The following PTPN23 variants were observed in gnomAD, a reference collection of about 807,000 sequenced individuals.
PTPN23 encodes the protein protein tyrosine phosphatase non-receptor type 23, also known as tyrosine-protein phosphatase non-receptor type 23.
Under a neutral mutation model 156.3 loss-of-function variants are expected in PTPN23, and 72 were observed. That is an observed-to-expected ratio of 0.46 (90% CI 0.38 to 0.56). PTPN23 has a LOEUF of 0.56. Ranked by LOEUF, PTPN23 falls within the 20% of genes least tolerant of loss-of-function variation. The pLI, the probability that PTPN23 is intolerant of heterozygous loss-of-function variation, is 0.00. For missense variants in PTPN23, 1,974 were observed against 2,171.5 expected (o/e 0.91, Z 1.81); for synonymous variants, 957 against 899.6 (o/e 1.06, Z -1.14).
intron 1 of PTPN23, among the ~76,000 whole-genome samples, chr3:47,394,220 A>G (rs1319882791): frequency 6.6e-6 from 1 of 152,140 alleles, no homozygotes; most frequent in Non-Finnish European, 1.5e-5. Flanking sequence ...TTTGCTGAGT[A>G]TACAACACAT....
In PTPN23 at chr3:47,410,593, T is replaced by C; in HGVS notation, c.2795T>C (p.Ile932Thr). 6.5e-7 allele frequency: 1 copy of C among 1,532,088 alleles called. No homozygotes were observed. Among genetic ancestry groups the C allele is most frequent in the Non-Finnish European group, 8.8e-7 (1 of 1,131,778 alleles). The allele number at this position is 1,532,088 out of a possible 1,614,324, so 94.9% of individuals were successfully genotyped here. A position where few individuals can be genotyped will look rare whatever the true frequency, so the allele number is the denominator to read the frequency against. The change falls in exon 20 of 25, where the codon ATC becomes ACC. Residue 932 changes from isoleucine (I) to threonine (T), a missense_variant. Transcript: ENST00000265562. ...TACCCTGCAGGGGCTAAGCAACCCA[T>C]CCCGGCACAGCACCACTTCTCTTCT... ...YTYPAGAKQP[I>T]PAQHHFSSGI...
At chr3:47,390,110 C>CA (rs1704741244) in intron 1 of PTPN23, among the ~76,000 whole-genome samples, 2 of 151,430 alleles carry the variant, frequency 1.3e-5, no homozygotes, top group South Asian at 4.2e-4. Context: ...GGCATGGTGG[C>CA]ACACAGCTGT....
In PTPN23 at chr3:47,381,189, G is replaced by C. The variant is rs550406811; in HGVS notation, c.84+9G>C. On this transcript the variant is annotated intron_variant, in intron 1 of 24. Coordinates refer to ENST00000265562, the MANE Select transcript of PTPN23 (RefSeq NM_015466.4). The stretch of plus-strand genomic sequence containing the variant: ...AGCCAGCTGTGAAGAAGGTGAGCTT[G>C]CCTTCCATCTTCCCCCCTATCCGCC... 1.3e-5 allele frequency: 21 copies of C among 1,575,690 alleles called. No individual in the cohort carries two copies. The highest frequency in any genetic ancestry group is 1.8e-5 in the Non-Finnish European group (21 of 1,161,284).
rs2107728591 is a variant in PTPN23 at position 47,412,525 on chromosome 3, G to T, written c.4329G>T (p.Arg1443Ser). ...ATGCACCTGTGCAGCTGCACCTCAGGTTCTGCTATGAGGCAGTGGTGAGAC... is the reference window on the plus strand; with the variant it reads ...ATGCACCTGTGCAGCTGCACCTCAGTTTCTGCTATGAGGCAGTGGTGAGAC... ...KHMLQEKLHL[R>S]FCYEAVVRHV... Residue 1443 changes from arginine to serine, a missense_variant, in exon 24 of 25, where the codon AGG (arginine) becomes AGT (serine). By Grantham distance (110) the Arg-to-Ser change is moderately radical. Transcript: ENST00000265562. 6.2e-7 allele frequency: 1 copy of T among 1,613,426 alleles called. No homozygotes were observed. The highest frequency in any genetic ancestry group is 1.3e-5 in the African/African-American group (1 of 75,066).
chr3:47,397,709 AC>A (rs767105802), intron 2 of PTPN23, among the ~76,000 whole-genome samples: 56 of 152,042 alleles, frequency 3.7e-4, no homozygotes, highest in Non-Finnish European at 7.2e-4. Flanking sequence ...TTACTCTGTC[AC>A]CCAGGCTGGA....
chr3:47,391,888 A>C (rs1704781214), intron 1 of PTPN23, among the ~76,000 whole-genome samples: 1 of 152,186 alleles, frequency 6.6e-6, no homozygotes, highest in Middle Eastern at 3.2e-3. Context: ...AAAATATTTT[A>C]GTTAATTAAT....
chr3:47,412,070 T>G lies in PTPN23; in HGVS notation c.4074-24T>G, dbSNP rs772073801. ...AGGTCAGGCCTGGCTCATAGGCTCTTCCTGGCCCCATCCTGTCCCACAGAG... is the reference window on the plus strand; with the variant it reads ...AGGTCAGGCCTGGCTCATAGGCTCTGCCTGGCCCCATCCTGTCCCACAGAG... On this transcript the variant is annotated intron_variant, in intron 21 of 24. Transcript: ENST00000265562. 25 of 1,612,424 alleles carry G rather than the reference T, an allele frequency of 1.6e-5. 1 individual carries two copies. The South Asian group carries it at 2.7e-4, about 18-fold the overall frequency.
chr3:47,382,680 C>CTTTTTTTTTTTTTTTTTTTTTTTTT lies in PTPN23; in HGVS notation c.84+1502_84+1526dup, dbSNP rs71098482. The stretch of plus-strand genomic sequence containing the variant: ...AGAACTCCTGTTTTCTTTTTCTTTT[C>CTTTTTTTTTTTTTTTTTTTTTTTTT]TTTTTTTTTTTTTTTTTTTTTTTTT... On this transcript the variant is annotated intron_variant, in intron 1 of 24. Coordinates refer to ENST00000265562, the MANE Select transcript of PTPN23 (RefSeq NM_015466.4). Among the ~76,000 whole-genome samples, 14 of 58,648 alleles carry CTTTTTTTTTTTTTTTTTTTTTTTTT rather than the reference C, an allele frequency of 2.4e-4. 3 individuals carry two copies. The highest frequency in any genetic ancestry group is 2.6e-4 in the Non-Finnish European group (8 of 30,866). The allele number at this position is 58,648 out of a possible 152,430, so 38.5% of individuals were successfully genotyped here. A position where few individuals can be genotyped will look rare whatever the true frequency, so the allele number is the denominator to read the frequency against.
At position 47,406,426 on chromosome 3, in the gene PTPN23, A is replaced by AG; in HGVS notation, c.627+23dup. On this transcript the variant is annotated intron_variant, in intron 7 of 24. Transcript: ENST00000265562. This position sits in a 1 kb window ranked among gnomAD's most constrained non-coding sequence, Gnocchi z 5.8. ...CACAGGTAGGGACGGGGCTGAGGGG[A>AG]GGCCTTCACTTTACTGCTGACTCCC... 5 of 1,613,548 alleles carry AG rather than the reference A, an allele frequency of 3.1e-6. No individual in the cohort carries two copies. The highest frequency in any genetic ancestry group is 4.2e-6 in the Non-Finnish European group (5 of 1,179,880).
intron 22 of PTPN23, 25 bp downstream of exon 22, chr3:47,412,223 T>C (rs747931520): frequency 9.3e-6 from 15 of 1,613,156 alleles, no homozygotes; most frequent in Non-Finnish European, 1.3e-5. Context: ...TGAGGGTCTC[T>C]CCTCTATGGG....
intron 2 of PTPN23, among the ~76,000 whole-genome samples, chr3:47,403,766 C>T (rs1042462561): frequency 2.0e-5 from 3 of 151,908 alleles, no homozygotes; most frequent in Non-Finnish European, 2.9e-5. Context: ...TGGCCTCAAG[C>T]GATCCTCCCA....
At position 47,384,111 on chromosome 3, in the gene PTPN23, C is replaced by CTTT. The variant is rs112958005; in HGVS notation, c.84+2941_84+2943dup. On this transcript the variant is annotated intron_variant, in intron 1 of 24. Transcript: ENST00000265562. ...GATAAGCAGACAAGTAAGAGACAGC[C>CTTT]TTTTTTTTTTTTCAAGGAATTCATA... 1.2e-4 allele frequency among the ~76,000 whole-genome samples: 17 copies of CTTT among 146,304 alleles called. No homozygotes were observed. In the East Asian group the frequency reaches 2.4e-3, roughly 20 times the overall value.
chr3:47,392,329 T>C (rs962613658), intron 1 of PTPN23, among the ~76,000 whole-genome samples: 2 of 151,938 alleles, frequency 1.3e-5, no homozygotes, highest in African/African-American at 4.8e-5. Flanking sequence ...ACCACAGGCA[T>C]GCACCACCAC....
At chr3:47,388,885 G>A (rs753628484) in intron 1 of PTPN23, among the ~76,000 whole-genome samples, 5 of 151,978 alleles carry the variant, frequency 3.3e-5, no homozygotes, top group African/African-American at 4.8e-5. Flanking sequence ...GGGTGGTCTC[G>A]AACTCCTGAC....
intron 2 of PTPN23, 194 bp downstream of exon 2, chr3:47,396,411 C>CT: frequency 2.7e-6 from 1 of 373,298 alleles, no homozygotes; most frequent in Non-Finnish European, 5.1e-6. Flanking sequence ...CCCATCTCTA[C>CT]TAAAAATACA....
At chr3:47,408,064 AG>A in intron 14 of PTPN23, 109 bp downstream of exon 14, 2 of 1,350,450 alleles carry the variant, frequency 1.5e-6, no homozygotes, top group Non-Finnish European at 2.1e-6. Context: ...CATTCCAAAC[AG>A]GTTTCCCAAT....
chr3:47,412,175 C>G lies in PTPN23; in HGVS notation c.4155C>G (p.His1385Gln), dbSNP rs145347025. The change falls in exon 22 of 25, where the codon CAC becomes CAG. Residue 1385 changes from histidine (H) to glutamine (Q), a missense_variant. His to Gln is a conservative substitution (Grantham distance 24). This residue lies in a region of PTPN23 where 484 missense variants were observed against 516.0 expected (regional missense o/e 0.94). Transcript: ENST00000265562. ...HAHYLHQRPL[H>Q]TPIIVHCSSG... ...ATTACCTGCATCAGCGGCCGCTGCA[C>G]ACGCCCATCATTGTGCACTGCAGGT... 745 of 1,613,208 alleles carry G rather than the reference C, an allele frequency of 4.6e-4. No homozygotes were observed. The highest frequency in any genetic ancestry group is 5.8e-4 in the Non-Finnish European group (684 of 1,180,032).
rs1325127572 is a variant in PTPN23 at position 47,410,143 on chromosome 3, C to T, written c.2345C>T (p.Pro782Leu). The change falls in exon 20 of 25, where the codon CCA (proline) becomes CTA (leucine). Residue 782 changes from proline (P) to leucine (L), a missense_variant. Transcript: ENST00000265562. Reference sequence around the variant, plus strand: ...AGCCCCTTCCCCAGCTCCACAGGCCCAGGACCCCACTATCTCTCAGGCCCC... The same window carrying T: ...AGCCCCTTCCCCAGCTCCACAGGCCTAGGACCCCACTATCTCTCAGGCCCC... The part of the protein sequence containing the change: ...PPSPFPSSTG[P>L]GPHYLSGPLP... 1 of 1,594,086 alleles carries T rather than the reference C, an allele frequency of 6.3e-7. No individual in the cohort carries two copies. The highest frequency in any genetic ancestry group is 8.6e-7 in the Non-Finnish European group (1 of 1,169,122).
Position 47,410,927 on chromosome 3 carries a change from G to T in PTPN23, c.3129G>T (p.Gln1043His), listed in dbSNP as rs1290464491. ...CTTTCCCCAGCCCTGGGCCCCCTCA[G>T]CCTCCCCATCCCCCACTGGCATATG... ...ALPFPSPGPP[Q>H]PPHPPLAYGP... Residue 1043 changes from glutamine (Q) to histidine (H), a missense_variant, in exon 20 of 25, where the codon CAG becomes CAT. Gln to His is a conservative substitution (Grantham distance 24). This residue lies in a region of PTPN23 where 731 missense variants were observed against 669.1 expected (regional missense o/e 1.09). Transcript: ENST00000265562. The T allele has an allele frequency of 6.2e-7, 1 of 1,603,068 alleles. No homozygotes were observed. The highest frequency in any genetic ancestry group is 1.1e-5 in the South Asian group (1 of 90,700).
Sources: allele counts gnomAD v4.1 joint callset (sites outside exome capture counted in the v4.1 genomes callset), GRCh38; gene constraint gnomAD v4.1.1; regional missense constraint gnomAD v4.1.1; non-coding constraint Gnocchi (gnomAD v3.1); transcripts MANE v1.5; gene names NCBI Gene and HGNC (gene_info 2026-07-23, HGNC 2026-07-21).